ADGRL2: variants seen among roughly 807,000 people sequenced by gnomAD.
ADGRL2 encodes the protein calcium-independent alpha-latrotoxin receptor 2.
In ADGRL2, 44 loss-of-function variants were observed where a neutral mutation model predicts 157.4. The observed-to-expected ratio is 0.28, with a 90% CI of 0.22 to 0.36. ADGRL2 has a LOEUF of 0.36. ADGRL2 is among the 10% of genes least tolerant of loss of function. ADGRL2 has a pLI of 1.00. For missense variants in ADGRL2, 1,510 were observed against 1,768.9 expected, an observed-to-expected ratio of 0.85 and a Z score of 2.63; for synonymous variants, 585 against 624.7, an observed-to-expected ratio of 0.94 and a Z score of 0.95.
chr1:81,317,212 C>T (rs1210989154), intron 1 of ADGRL2, among the ~76,000 whole-genome samples: 1 of 152,080 alleles, frequency 6.6e-6, no homozygotes, highest in Non-Finnish European at 1.5e-5. Flanking sequence ...TAATTCTTCC[C>T]AAAATGTCAG....
intron 3 of ADGRL2, among the ~76,000 whole-genome samples, chr1:81,641,502 C>G (rs75442979): frequency 0.13 from 19,244 of 152,164 alleles, 1,671 homozygotes; most frequent in Non-Finnish European, 0.18. Flanking sequence ...GGGAATTAAA[C>G]TGAAAATCGA....
At chr1:81,524,828 C>T (rs1351460456) in intron 2 of ADGRL2, among the ~76,000 whole-genome samples, 2 of 151,984 alleles carry the variant, frequency 1.3e-5, no homozygotes, top group East Asian at 1.9e-4. Context: ...TCTCTTGAGT[C>T]CAGGAGTTAG....
At chr1:81,666,985 A>G (rs2082763908) in intron 3 of ADGRL2, among the ~76,000 whole-genome samples, 1 of 152,220 alleles carries the variant, frequency 6.6e-6, no homozygotes, top group South Asian at 2.1e-4. Context: ...TGGAAAGTGG[A>G]AGAGTTAGAA....
chr1:81,915,514 C>A (rs1031165376), intron 3 of ADGRL2, among the ~76,000 whole-genome samples: 6 of 151,970 alleles, frequency 3.9e-5, no homozygotes, highest in Admixed American at 3.9e-4. Context: ...TGTATTATGT[C>A]CATTGATTGG....
At chr1:81,553,041 T>C (rs2080189155) in intron 2 of ADGRL2, among the ~76,000 whole-genome samples, 1 of 152,172 alleles carries the variant, frequency 6.6e-6, no homozygotes, top group African/African-American at 2.4e-5. Flanking sequence ...ATAAATTCCA[T>C]ACTTTTTCAA....
intron 2 of ADGRL2, among the ~76,000 whole-genome samples, chr1:81,886,167 A>C: frequency 6.6e-6 from 1 of 152,134 alleles, no homozygotes; most frequent in East Asian, 1.9e-4. Flanking sequence ...GCAGTTACTT[A>C]ATGGTACACT....
At chr1:81,427,075 T>C in intron 1 of ADGRL2, 1 of 1,438,592 alleles carries the variant, frequency 7.0e-7, no homozygotes, top group Non-Finnish European at 9.7e-7. Context: ...AATTGTGAAG[T>C]GAAAAGGCCC....
At chr1:81,975,595 GGCAAAA>G (rs1207174608) in intron 17 of ADGRL2, among the ~76,000 whole-genome samples, 3 of 151,782 alleles carry the variant, frequency 2.0e-5, no homozygotes, top group Non-Finnish European at 4.4e-5. Flanking sequence ...AAATAAATTG[GGCAAAA>G]GTAAAAGTAA....
intron 2 of ADGRL2, among the ~76,000 whole-genome samples, chr1:81,572,186 T>C (rs563103997): frequency 1.3e-5 from 2 of 152,334 alleles, no homozygotes; most frequent in Admixed American, 6.5e-5. Flanking sequence ...ATAAGTTCCA[T>C]TTAGTCATTC....
intron 1 of ADGRL2, among the ~76,000 whole-genome samples, chr1:81,738,734 A>G (rs1343392278): frequency 6.6e-6 from 1 of 152,194 alleles, no homozygotes; most frequent in Non-Finnish European, 1.5e-5. Context: ...CGTTTTCCAG[A>G]TGCAGTCTGG....
chr1:81,847,453 C>T (rs74095981), intron 2 of ADGRL2, among the ~76,000 whole-genome samples: 1,765 of 151,848 alleles, frequency 0.012, 41 homozygotes, highest in African/African-American at 0.04. Context: ...CAGTGACTTC[C>T]GCTGTTAAAA....
chr1:81,486,873 T>C (rs1438458372), intron 2 of ADGRL2, among the ~76,000 whole-genome samples: 18 of 152,120 alleles, frequency 1.2e-4, no homozygotes, highest in Admixed American at 6.5e-5. Context: ...TTTTTGAAAG[T>C]ATCTAAGACT....
At chr1:81,427,362 C>A (rs1570938318) in intron 1 of ADGRL2, 2 of 732,010 alleles carry the variant, frequency 2.7e-6, no homozygotes, top group Non-Finnish European at 5.0e-6. Flanking sequence ...GGTGGCGGAC[C>A]AGGATATGGA....
At chr1:81,691,324 TTTC>T (rs745589363) in intron 3 of ADGRL2, among the ~76,000 whole-genome samples, 82 of 129,522 alleles carry the variant, frequency 6.3e-4, no homozygotes, top group Admixed American at 1.3e-3. Context: ...TTCTGCTTGT[TTTC>T]TTTTTTTTTT....
upstream of ADGRL2, among the ~76,000 whole-genome samples, chr1:81,800,074 A>G (rs2087819064): frequency 6.6e-6 from 1 of 152,176 alleles, no homozygotes; most frequent in Admixed American, 6.5e-5. Context: ...TCAGAGGACA[A>G]GAGCAAAGGC....
intron 1 of ADGRL2, among the ~76,000 whole-genome samples, chr1:81,393,191 T>C (rs571344566): frequency 9.9e-5 from 15 of 152,266 alleles, no homozygotes; most frequent in African/African-American, 3.4e-4. Context: ...AATTGGATGG[T>C]AAAAATTCTA....
chr1:81,617,547 T>C (rs1309580618), intron 3 of ADGRL2, among the ~76,000 whole-genome samples: 2 of 152,202 alleles, frequency 1.3e-5, no homozygotes, highest in Non-Finnish European at 2.9e-5. Flanking sequence ...TAGTCTTAGT[T>C]TTTCATTTCC....
intron 1 of ADGRL2, among the ~76,000 whole-genome samples, chr1:81,819,118 G>A (rs1227336880): frequency 1.6e-4 from 25 of 152,106 alleles, no homozygotes; most frequent in Admixed American, 1.6e-3. Flanking sequence ...CATTCAAGGT[G>A]GTGTATCCAA....
In ADGRL2 at chr1:81,434,504, GATGAGGGTACC is replaced by G. The variant is rs2077376020; in HGVS notation, c.-301-10529_-301-10519del. 2.0e-5 allele frequency among the ~76,000 whole-genome samples: 3 copies of G among 152,032 alleles called. No homozygotes were observed. In the South Asian group the frequency reaches 6.2e-4, roughly 31 times the overall value. ...GGGCCTAGAAGAGTGTCTGGTGCTT[GATGAGGGTACC>G]ATAAATATGTGTTGAATTAATGAGT... On this transcript the variant is annotated intron_variant, in intron 1 of 24. Coordinates refer to the ADGRL2 transcript ENST00000370721.
Sources: gnomAD v4.1 joint callset for allele counts (sites outside exome capture counted in the v4.1 genomes callset) on GRCh38, gnomAD v4.1.1 for gene constraint, MANE v1.5 for transcripts, NCBI Gene and HGNC (gene_info 2026-07-23, HGNC 2026-07-21) for gene names.